The following ABCC3 variants were observed in gnomAD, a reference collection of about 807,000 sequenced individuals.
ABCC3 encodes ATP-binding cassette sub-family C member 3.
In ABCC3, 121 loss-of-function variants were observed where a neutral mutation model predicts 165.3. That is an observed-to-expected ratio of 0.73 (90% CI 0.63 to 0.85). The LOEUF is 0.85. Among genes scored for constraint, ABCC3 ranks in the 40% least tolerant of loss-of-function variants. The pLI, the probability that ABCC3 is intolerant of heterozygous loss-of-function variation, is 0.00. For missense variants in ABCC3, 1,869 were observed against 1,964.1 expected (o/e 0.95, Z 0.92); for synonymous variants, 733 against 810.1 (o/e 0.90, Z 1.62).
chr17:50,640,304 A>G (rs967571325), intron 1 of ABCC3, among the ~76,000 whole-genome samples: 1 of 152,194 alleles, frequency 6.6e-6, no homozygotes, highest in African/African-American at 2.4e-5. Context: ...TCCTGTGGGA[A>G]GGAGCTGGGC....
At chr17:50,636,329 A>C (rs77575985) in intron 1 of ABCC3, among the ~76,000 whole-genome samples, 140 of 152,202 alleles carry the variant, frequency 9.2e-4, no homozygotes, top group African/African-American at 3.3e-3. Flanking sequence ...AATGGGCTGA[A>C]GGCGTTATAT....
intron 8 of ABCC3, among the ~76,000 whole-genome samples, chr17:50,662,474 A>C (rs905921910): frequency 1.3e-5 from 2 of 151,934 alleles, no homozygotes; most frequent in Non-Finnish European, 2.9e-5. Flanking sequence ...CTGTCTCTAC[A>C]AAAAAGTTAA....
intron 26 of ABCC3, among the ~76,000 whole-genome samples, chr17:50,681,074 TAA>T (rs74268806): frequency 5.9e-5 from 8 of 136,580 alleles, no homozygotes; most frequent in Admixed American, 7.3e-5. Context: ...AGACTCTGTC[TAA>T]AAAAAAAAAA....
At chr17:50,671,702 C>CTT (rs386386244) in intron 17 of ABCC3, among the ~76,000 whole-genome samples, 11,140 of 56,182 alleles carry the variant, frequency 0.2, 3,277 homozygotes, top group Non-Finnish European at 0.27. Context: ...TCCTTCCTTC[C>CTT]TTTTTTTTTT....
intron 1 of ABCC3, among the ~76,000 whole-genome samples, chr17:50,655,413 A>AAAAC (rs1555586128): frequency 2.7e-5 from 4 of 149,338 alleles, no homozygotes; most frequent in African/African-American, 9.8e-5. Context: ...TCAAAAAAAA[A>AAAAC]AAAAAAAACA....
chr17:50,655,957 G>A lies in ABCC3; in HGVS notation c.171G>A (p.Arg57=). 1 of 1,614,056 alleles carries A rather than the reference G, an allele frequency of 6.2e-7. No individual in the cohort carries two copies. The highest frequency in any genetic ancestry group is 8.5e-7 in the Non-Finnish European group (1 of 1,179,980). The change falls in exon 2 of 31, where the codon CGG becomes CGA. Residue 57 remains arginine, a synonymous_variant. Coordinates refer to ENST00000285238, the MANE Select transcript of ABCC3 (RefSeq NM_003786.4). ...TGCCCTGCTACTTGCTCTACCTGCGGCACCATTGTCGTGGCTACATCATCC... is the reference window on the plus strand; with the variant it reads ...TGCCCTGCTACTTGCTCTACCTGCGACACCATTGTCGTGGCTACATCATCC... ...VALPCYLLYL[R]HHCRGYIILS...
rs775422811 is a variant in ABCC3 at position 50,663,897 on chromosome 17, G to A, written c.1176+39G>A. 6.2e-6 allele frequency: 10 copies of A among 1,614,082 alleles called. No individual in the cohort carries two copies. In the South Asian group the frequency reaches 1.1e-4, roughly 18 times the overall value. On this transcript the variant is annotated intron_variant, in intron 9 of 30. Transcript: ENST00000285238. ...GGGCCCAGGGGAAAGGCTGGCCCTG[G>A]GCAGCTTGCAAGAGGCTCGCAGCCA...
chr17:50,640,504 G>A (rs1317633543), intron 1 of ABCC3, among the ~76,000 whole-genome samples: 1 of 152,054 alleles, frequency 6.6e-6, no homozygotes, highest in Admixed American at 6.5e-5. Context: ...ACCAGTTTTT[G>A]TTTGTTTGTT....
At position 50,676,236 on chromosome 17, in the gene ABCC3, C is replaced by T. The variant is rs11568596; in HGVS notation, c.3068-42C>T. The T allele has an allele frequency of 3.5e-4, 562 of 1,595,216 alleles. 5 individuals are homozygous for T. The highest frequency in any genetic ancestry group is 9.5e-4 in the South Asian group (83 of 87,324). On this transcript the variant is annotated intron_variant, in intron 22 of 30. Transcript: ENST00000285238. ...CTGATTCTGCCCCTTTGTGCCCGCT[C>T]ACTAGTCCAGGTGAGCCAGCGCCCT...
intron 6 of ABCC3, 27 bp downstream of exon 6, chr17:50,658,523 C>T: frequency 6.2e-7 from 1 of 1,605,034 alleles, no homozygotes; most frequent in Non-Finnish European, 8.5e-7. Flanking sequence ...ACCAGCCAGG[C>T]CAGAGGGAGG....
In ABCC3 at chr17:50,676,002, T is replaced by A; in HGVS notation, c.2979T>A (p.Ser993Arg). 1 of 1,614,218 alleles carries A rather than the reference T, an allele frequency of 6.2e-7. No individual in the cohort carries two copies. The highest frequency in any genetic ancestry group is 8.5e-7 in the Non-Finnish European group (1 of 1,180,040). Residue 993 changes from serine (S) to arginine (R), a missense_variant, in exon 22 of 31, where the codon AGT becomes AGA. By Grantham distance (110) the Ser-to-Arg change is moderately radical (BLOSUM62 -1). Transcript: ENST00000285238. ...CCATTGGAGCCAATGTGTGGCTCAG[T>A]GCCTGGACAAATGATGCCATGGCAG... ...AAAIGANVWL[S>R]AWTNDAMADS...
At chr17:50,674,022 C>CTT (rs1567835682) in intron 19 of ABCC3, among the ~76,000 whole-genome samples, 74 of 6,908 alleles carry the variant, frequency 0.011, 25 homozygotes, top group South Asian at 0.015. Context: ...CTCTCTCTCT[C>CTT]TCTCTCTCTC....
In ABCC3 at chr17:50,680,466, C is replaced by G. The variant is rs184502058; in HGVS notation, c.3807+567C>G. Among the ~76,000 whole-genome samples the G allele has an allele frequency of 2.0e-5, 3 of 152,310 alleles. No homozygotes were observed. The East Asian group carries it at 5.8e-4, about 29-fold the overall frequency. On this transcript the variant is annotated intron_variant, in intron 26 of 30. Transcript: ENST00000285238. ...TAGCCCTCTTCATGCCCAGAAGCTG[C>G]AGCATCAGTGTCAAGCATCCCATCT... is the stretch of plus-strand genomic sequence containing the variant.
chr17:50,642,951 CTT>C (rs1313913422), intron 1 of ABCC3, among the ~76,000 whole-genome samples: 1 of 152,232 alleles, frequency 6.6e-6, no homozygotes, highest in Non-Finnish European at 1.5e-5. Context: ...TGTAGTTTCT[CTT>C]TTGTACACTG....
chr17:50,667,714 T>G lies in ABCC3; in HGVS notation c.1592T>G (p.Leu531Arg), dbSNP rs377705465. ...ELQLLRTAAYLHTTTTFTWMC... is the reference protein window; with the variant it reads ...ELQLLRTAAYRHTTTTFTWMC... ...CAGCTGCTGCGCACGGCGGCCTACC[T>G]CCACACCACAACCACCTTCACCTGG... Residue 531 changes from leucine to arginine, a missense_variant, in exon 12 of 31, where the codon CTC (leucine) becomes CGC (arginine). Leu to Arg is a moderately radical substitution (Grantham distance 102). Transcript: ENST00000285238. 8.7e-5 allele frequency: 141 copies of G among 1,613,922 alleles called. No individual in the cohort carries two copies. Among genetic ancestry groups the G allele is most frequent in the African/African-American group, 1.5e-4 (11 of 74,906 alleles).
intron 1 of ABCC3, among the ~76,000 whole-genome samples, chr17:50,649,603 A>G (rs992441410): frequency 2.2e-5 from 3 of 135,648 alleles, no homozygotes; most frequent in African/African-American, 8.0e-5. Flanking sequence ...AGAGGAGAGG[A>G]GAGAGAGGAG....
intron 29 of ABCC3, among the ~76,000 whole-genome samples, chr17:50,687,025 C>T (rs886265131): frequency 3.9e-5 from 6 of 152,086 alleles, no homozygotes; most frequent in African/African-American, 7.2e-5. Flanking sequence ...AAAGAGTCCC[C>T]GGGTGTTCCT....
chr17:50,649,610 G>A (rs1967074030), intron 1 of ABCC3, among the ~76,000 whole-genome samples: 1 of 148,048 alleles, frequency 6.8e-6, no homozygotes, highest in African/African-American at 2.5e-5. Context: ...AGGAGAGAGA[G>A]GAGAGAGATG....
At chr17:50,646,503 A>G (rs994746871) in intron 1 of ABCC3, among the ~76,000 whole-genome samples, 16 of 152,248 alleles carry the variant, frequency 1.1e-4, no homozygotes, top group African/African-American at 3.6e-4. Context: ...ATGGTACATC[A>G]TATCATCATA....
Sources: allele counts gnomAD v4.1 joint callset (sites outside exome capture counted in the v4.1 genomes callset), GRCh38; gene constraint gnomAD v4.1.1; transcripts MANE v1.5; gene names NCBI Gene and HGNC (gene_info 2026-07-23, HGNC 2026-07-21).